The following CSMD2 variants were observed in gnomAD, a reference collection of about 807,000 sequenced individuals.
The protein encoded by CSMD2 is CUB and Sushi multiple domains 2.
Under a neutral mutation model 398.5 loss-of-function variants are expected in CSMD2, and 130 were observed. The observed-to-expected ratio is 0.33, with a 90% CI of 0.28 to 0.38. CSMD2 has a LOEUF of 0.38. Among genes scored for constraint, CSMD2 ranks in the 10% least tolerant of loss-of-function variants. CSMD2 has a pLI of 1.00. For missense variants in CSMD2, 3,829 were observed against 4,764.9 expected (o/e 0.80, Z 5.78); for synonymous variants, 1,828 against 1,908.5 (o/e 0.96, Z 1.10).
At chr1:33,558,061 T>C in intron 54 of CSMD2, 139 bp from the exon 55 acceptor site, 1 of 691,160 alleles carries the variant, frequency 1.4e-6, no homozygotes, top group Non-Finnish European at 2.4e-6. Flanking sequence ...TCACCTTGGT[T>C]ACCTGGTCAG....
intron 3 of CSMD2, among the ~76,000 whole-genome samples, chr1:34,003,733 C>T (rs1460146584): frequency 6.6e-6 from 1 of 152,150 alleles, no homozygotes; most frequent in African/African-American, 2.4e-5. Context: ...ATCCAGGCAC[C>T]ACACCCTGCC....
intron 32 of CSMD2, among the ~76,000 whole-genome samples, chr1:33,630,284 C>T (rs1642389986): frequency 6.6e-6 from 1 of 152,132 alleles, no homozygotes; most frequent in Non-Finnish European, 1.5e-5. Flanking sequence ...TCCAGGAGTT[C>T]CTGATTTACA....
chr1:34,158,776 G>A (rs757160649), intron 1 of CSMD2, among the ~76,000 whole-genome samples: 1 of 152,186 alleles, frequency 6.6e-6, no homozygotes, highest in Non-Finnish European at 1.5e-5. Flanking sequence ...TAGACTTGAG[G>A]TTTAATCCCG....
In CSMD2 at chr1:33,918,315, G is replaced by A; in HGVS notation, c.713-14C>T. 6 of 1,612,490 alleles carry A rather than the reference G, an allele frequency of 3.7e-6. No homozygotes were observed. Among genetic ancestry groups the A allele is most frequent in the Non-Finnish European group, 5.1e-6 (6 of 1,179,298 alleles). On this transcript the variant is annotated splice_polypyrimidine_tract_variant and intron_variant, in intron 4 of 70. Transcript: ENST00000373381. ...AGGCATCATCAGCTGTGGGCACAGA[G>A]AGAAGAGGCTTACATGAGTAGTCTG...
At chr1:33,909,424 C>T (rs1643321255) in intron 5 of CSMD2, among the ~76,000 whole-genome samples, 1 of 152,082 alleles carries the variant, frequency 6.6e-6, no homozygotes, top group Non-Finnish European at 1.5e-5. Context: ...CTGTTCATTT[C>T]CTTTATGACA....
chr1:33,654,860 G>A (rs960646523), intron 27 of CSMD2, among the ~76,000 whole-genome samples: 1 of 152,232 alleles, frequency 6.6e-6, no homozygotes, highest in Admixed American at 6.5e-5. Context: ...CACAGATGGG[G>A]TGAGTCTCTG....
At chr1:33,709,412 C>A (rs948711076) in intron 21 of CSMD2, 154 bp from the exon 22 acceptor site, 2 of 598,920 alleles carry the variant, frequency 3.3e-6, no homozygotes, top group Non-Finnish European at 5.8e-6. Flanking sequence ...GGACTGTCTA[C>A]AGAAATGCCT....
At chr1:33,541,476 T>C (rs1656334070) in intron 58 of CSMD2, among the ~76,000 whole-genome samples, 167 bp from the exon 59 acceptor site, 1 of 151,566 alleles carries the variant, frequency 6.6e-6, no homozygotes, top group Non-Finnish European at 1.5e-5. Flanking sequence ...TCTAAATTTC[T>C]TTTTTTTTAA....
rs1037842085 is a variant in CSMD2, at chr1:33,537,799, T to C, written c.9632-190A>G. On this transcript the variant is annotated intron_variant, in intron 60 of 70. Coordinates refer to ENST00000373381, the MANE Select transcript of CSMD2 (RefSeq NM_001281956.2). This position sits in a 1 kb window ranked among gnomAD's most constrained non-coding sequence, Gnocchi z 4.6. Reference sequence around the variant, plus strand: ...GCTGCTGATGGGGGCTTCCTCTCCCTTCTACATTCAAAGTGCCTATTAATA... The same window carrying C: ...GCTGCTGATGGGGGCTTCCTCTCCCCTCTACATTCAAAGTGCCTATTAATA... Among the ~76,000 whole-genome samples the C allele has an allele frequency of 1.3e-5, 2 of 152,218 alleles. No individual in the cohort carries two copies. The highest frequency in any genetic ancestry group is 4.8e-5 in the African/African-American group (2 of 41,454).
chr1:33,975,089 T>G (rs151290153), intron 3 of CSMD2, among the ~76,000 whole-genome samples: 74 of 152,236 alleles, frequency 4.9e-4, no homozygotes, highest in African/African-American at 1.3e-3. Context: ...CTCCCACCCT[T>G]TCCTTCAGGA....
intron 5 of CSMD2, among the ~76,000 whole-genome samples, chr1:33,871,348 C>A (rs1162144447): frequency 6.6e-6 from 1 of 152,158 alleles, no homozygotes; most frequent in East Asian, 1.9e-4. Context: ...CTGTAGAAAT[C>A]TGGACTTTGA....
chr1:33,935,655 C>CAAA, intron 4 of CSMD2, 105 bp downstream of exon 4: 1 of 1,238,734 alleles, frequency 8.1e-7, no homozygotes, highest in Non-Finnish European at 1.1e-6. Context: ...ACCCCCCTCC[C>CAAA]TGCTGGGGTG....
chr1:33,553,107 A>G (rs1205201966), intron 55 of CSMD2, among the ~76,000 whole-genome samples: 1 of 152,238 alleles, frequency 6.6e-6, no homozygotes, highest in Non-Finnish European at 1.5e-5. Context: ...AGCTGGTTAT[A>G]AGTTACAGGT....
At chr1:33,955,325 G>A (rs1176943359) in intron 3 of CSMD2, among the ~76,000 whole-genome samples, 3 of 152,196 alleles carry the variant, frequency 2.0e-5, no homozygotes, top group African/African-American at 7.2e-5. Flanking sequence ...CAAACGCGGT[G>A]TCAGCTTCCA....
intron 56 of CSMD2, among the ~76,000 whole-genome samples, chr1:33,546,633 C>G (rs1656925001): frequency 6.6e-6 from 1 of 152,166 alleles, no homozygotes; most frequent in Non-Finnish European, 1.5e-5. Flanking sequence ...TGAACTCTTG[C>G]AAGAGCCTCC....
At chr1:34,029,463 C>T (rs1316137797) in intron 3 of CSMD2, among the ~76,000 whole-genome samples, 1 of 152,192 alleles carries the variant, frequency 6.6e-6, no homozygotes, top group Non-Finnish European at 1.5e-5. Context: ...GGTAGGTATG[C>T]TCACAGCTGT....
At chr1:33,882,208 G>A (rs779513606) in intron 5 of CSMD2, 1 of 152,204 alleles carries the variant, frequency 6.6e-6, no homozygotes, top group Admixed American at 6.5e-5. Flanking sequence ...AGATTAAACA[G>A]CTATGAATGG....
chr1:33,807,875 T>C (rs1310429930), intron 10 of CSMD2, among the ~76,000 whole-genome samples: 1 of 152,084 alleles, frequency 6.6e-6, no homozygotes, highest in Non-Finnish European at 1.5e-5. Flanking sequence ...AATCCAGCTA[T>C]ACACAAAACA....
At chr1:33,524,412 A>G (rs1285265111) in intron 66 of CSMD2, among the ~76,000 whole-genome samples, 1 of 152,238 alleles carries the variant, frequency 6.6e-6, no homozygotes, top group Non-Finnish European at 1.5e-5. Flanking sequence ...TTGTTTTCCC[A>G]GAATGGTACC....
Sources: allele counts gnomAD v4.1 joint callset (sites outside exome capture counted in the v4.1 genomes callset), GRCh38; gene constraint gnomAD v4.1.1; non-coding constraint Gnocchi (gnomAD v3.1); transcripts MANE v1.5; gene names NCBI Gene and HGNC (gene_info 2026-07-23, HGNC 2026-07-21).